Variants in PCDH15 observed in about 807,000 individuals in gnomAD.
The protein encoded by PCDH15 is protocadherin related 15.
Under a neutral mutation model 178.5 loss-of-function variants are expected in PCDH15, and 129 were observed. That is an observed-to-expected ratio of 0.72 (90% CI 0.63 to 0.84). The LOEUF (loss-of-function observed/expected upper bound fraction) is 0.84, where lower values mean the gene tolerates loss of function less well. Among genes scored for constraint, PCDH15 ranks in the 40% least tolerant of loss-of-function variants. PCDH15 has a pLI of 0.00. For synonymous variants in PCDH15, 800 were observed against 732.0 expected (o/e 1.09, Z -1.50); for missense variants, 2,230 against 2,099.9 (o/e 1.06, Z -1.21).
chr10:53,872,415 C>A (rs956517715), intron 26 of PCDH15, among the ~76,000 whole-genome samples: 28 of 152,336 alleles, frequency 1.8e-4, no homozygotes, highest in South Asian at 8.3e-4. Flanking sequence ...GTTAAGACCT[C>A]TTCTTTGATA....
chr10:54,353,960 C>T (rs1259561711), intron 5 of PCDH15, among the ~76,000 whole-genome samples: 1 of 152,044 alleles, frequency 6.6e-6, no homozygotes, highest in Non-Finnish European at 1.5e-5. Context: ...GTTGAATATA[C>T]ATATGAGCTT....
chr10:55,226,601 C>T (rs1175332859), intron 1 of PCDH15, among the ~76,000 whole-genome samples: 2 of 151,926 alleles, frequency 1.3e-5, no homozygotes, highest in Non-Finnish European at 2.9e-5. Flanking sequence ...AGGCTGGTCT[C>T]GAACTCCTGA....
At chr10:54,566,443 C>T (rs527733814) in intron 2 of PCDH15, among the ~76,000 whole-genome samples, 3 of 152,220 alleles carry the variant, frequency 2.0e-5, no homozygotes, top group African/African-American at 7.2e-5. Context: ...ATTATAGTAT[C>T]ATACAGACTT....
intron 32 of PCDH15, chr10:53,825,025 T>C: frequency 7.8e-7 from 1 of 1,283,590 alleles, no homozygotes; most frequent in Non-Finnish European, 1.0e-6. Flanking sequence ...AGTAAGTGAG[T>C]CTGTGGCAAA....
intron 9 of PCDH15, among the ~76,000 whole-genome samples, chr10:54,218,137 G>A (rs769242662): frequency 6.6e-6 from 1 of 152,040 alleles, no homozygotes; most frequent in African/African-American, 2.4e-5. Context: ...TTAACATGGG[G>A]TAAACAAATA....
At chr10:54,996,900 G>T (rs1839659554) in intron 2 of PCDH15, among the ~76,000 whole-genome samples, 1 of 152,026 alleles carries the variant, frequency 6.6e-6, no homozygotes, top group Admixed American at 6.6e-5. Flanking sequence ...CATGAGGTCA[G>T]GAGTTCGAGA....
At chr10:54,276,568 T>C (rs2058361556) in intron 8 of PCDH15, among the ~76,000 whole-genome samples, 1 of 151,720 alleles carries the variant, frequency 6.6e-6, no homozygotes, top group Admixed American at 6.6e-5. Context: ...AGATAGTTGA[T>C]GATATTCATA....
In PCDH15 at chr10:54,450,419, AT is replaced by A. The variant is rs890863507; in HGVS notation, c.158-71478del. ...TTATTTATAGTTTCTTCCTTTTTTT[AT>A]TTTTTTAACTTATTTATATTCCAAA... is the stretch of plus-strand genomic sequence containing the variant. On this transcript the variant is annotated intron_variant, in intron 3 of 37. Transcript: ENST00000644397. Among the ~76,000 whole-genome samples the A allele has an allele frequency of 4.6e-4, 69 of 151,074 alleles. 1 individual carries two copies. The highest frequency in any genetic ancestry group is 2.0e-4 in the Admixed American group (3 of 15,108).
At chr10:53,834,310 C>T (rs1302082493) in intron 29 of PCDH15, among the ~76,000 whole-genome samples, 1 of 151,264 alleles carries the variant, frequency 6.6e-6, no homozygotes, top group African/African-American at 2.4e-5. Context: ...CTGTTTTCTA[C>T]TAAAAATGTT....
chr10:54,833,491 C>T (rs1953262260), intron 3 of PCDH15, among the ~76,000 whole-genome samples: 1 of 152,272 alleles, frequency 6.6e-6, no homozygotes, highest in Non-Finnish European at 1.5e-5. Flanking sequence ...AGAAATTCTG[C>T]CTCAAAACTT....
chr10:55,187,560 A>G (rs1287728312), intron 1 of PCDH15, among the ~76,000 whole-genome samples: 1 of 152,000 alleles, frequency 6.6e-6, no homozygotes, highest in Non-Finnish European at 1.5e-5. Flanking sequence ...AGAAGATGAC[A>G]TGAGAGCCAC....
intron 2 of PCDH15, among the ~76,000 whole-genome samples, chr10:54,647,496 A>ATT (rs1468922535): frequency 6.6e-6 from 1 of 152,082 alleles, no homozygotes; most frequent in African/African-American, 2.4e-5. Context: ...ACTTTAAAAT[A>ATT]TTTTTAAAAG....
Position 55,215,660 on chromosome 10 carries a change from G to A in PCDH15, c.-155-49009C>T, listed in dbSNP as rs147258680. 3.0e-3 allele frequency among the ~76,000 whole-genome samples: 455 copies of A among 152,040 alleles called. 1 individual carries two copies. The highest frequency in any genetic ancestry group is 8.3e-3 in the Admixed American group (127 of 15,252). On this transcript the variant is annotated intron_variant, in intron 1 of 5. Coordinates refer to the PCDH15 transcript ENST00000458638. Reference sequence around the variant, plus strand: ...AGTGTTGTATGTATACTACTCAATGGATACTAATAAATTCTTAGCTAGGGC... The same window carrying A: ...AGTGTTGTATGTATACTACTCAATGAATACTAATAAATTCTTAGCTAGGGC...
chr10:55,532,397 C>T (rs1841474611), intron 2 of PCDH15, among the ~76,000 whole-genome samples: 1 of 151,978 alleles, frequency 6.6e-6, no homozygotes, highest in Non-Finnish European at 1.5e-5. Context: ...TACTCAGTCG[C>T]TTCATTAATT....
At chr10:55,402,368 G>C (rs1838091485) in intron 2 of PCDH15, among the ~76,000 whole-genome samples, 1 of 151,828 alleles carries the variant, frequency 6.6e-6, no homozygotes, top group South Asian at 2.1e-4. Flanking sequence ...TTCATATTAA[G>C]ATTATTTCAA....
In PCDH15 at chr10:54,965,841, A is replaced by C. The variant is rs1439021364; in HGVS notation, c.-79-68341T>G. On this transcript the variant is annotated intron_variant, in intron 2 of 5. Coordinates refer to the PCDH15 transcript ENST00000458638. Reference sequence around the variant, plus strand: ...TCTTCATGTAGTTTACTCATGAAAAACAATACCAAAATCATTAATATCACA... The same window carrying C: ...TCTTCATGTAGTTTACTCATGAAAACCAATACCAAAATCATTAATATCACA... Among the ~76,000 whole-genome samples the C allele has an allele frequency of 3.3e-5, 5 of 151,224 alleles. No homozygotes were observed. In the East Asian group the frequency reaches 7.8e-4, roughly 23 times the overall value.
At chr10:54,648,549 T>C (rs897544340) in intron 2 of PCDH15, among the ~76,000 whole-genome samples, 1 of 152,154 alleles carries the variant, frequency 6.6e-6, no homozygotes, top group Admixed American at 6.6e-5. Context: ...TATAAAGCTA[T>C]GTAATTTTGT....
intron 1 of PCDH15, among the ~76,000 whole-genome samples, chr10:54,675,147 C>A (rs894345308): frequency 2.6e-5 from 4 of 151,850 alleles, no homozygotes; most frequent in Non-Finnish European, 5.9e-5. Context: ...AAATTTATTA[C>A]ATTAAATATT....
At position 54,332,402 on chromosome 10, in the gene PCDH15, G is replaced by C. The variant is rs1430011388; in HGVS notation, c.595-2696C>G. On this transcript the variant is annotated intron_variant, in intron 6 of 37. Coordinates refer to ENST00000644397, the MANE Select transcript of PCDH15 (RefSeq NM_001384140.1). ...ATATATATATAGTAAATTTTCTGCA[G>C]CTGAAAGCACTTTGATACATGATTA... Among the ~76,000 whole-genome samples the C allele has an allele frequency of 3.1e-4, 36 of 115,794 alleles. 1 individual carries two copies. The highest frequency in any genetic ancestry group is 1.2e-3 in the African/African-American group (35 of 30,272). 76.0% of individuals were successfully genotyped at this position (115,794 alleles called of 152,430 possible).
Sources: gnomAD v4.1 joint callset for allele counts (sites outside exome capture counted in the v4.1 genomes callset) on GRCh38, gnomAD v4.1.1 for gene constraint, MANE v1.5 for transcripts, NCBI Gene and HGNC (gene_info 2026-07-23, HGNC 2026-07-21) for gene names.